PRKN: variants seen among roughly 807,000 people sequenced by gnomAD.
PRKN encodes the protein parkin RBR E3 ubiquitin protein ligase.
Under a neutral mutation model 59.5 loss-of-function variants are expected in PRKN, and 56 were observed. That is an observed-to-expected ratio of 0.94 (90% confidence interval 0.76 to 1.18). The LOEUF is 1.18. Ranked by LOEUF, PRKN falls within the 50% of genes most tolerant of loss-of-function variation. The probability of loss-of-function intolerance (pLI) is 0.00; values close to 1 mark genes in which losing one functional copy is unlikely to be tolerated. For synonymous variants in PRKN, 250 were observed against 222.1 expected, an observed-to-expected ratio of 1.13 and a Z score of -1.12; for missense variants, 657 against 596.4, an observed-to-expected ratio of 1.10 and a Z score of -1.06.
At position 161,416,502 on chromosome 6, in the gene PRKN, A is replaced by G. The variant is rs183376737; in HGVS notation, c.1084-29625T>C. Among the ~76,000 whole-genome samples the G allele has an allele frequency of 9.3e-4, 141 of 152,222 alleles. 1 individual carries two copies. The Middle Eastern group carries it at 0.01, about 11-fold the overall frequency. ...CATATATTTGCTAAACAACTCACCC[A>G]AAGTCACTCCAGTGATAGGCCCATC... On this transcript the variant is annotated intron_variant, in intron 9 of 11. Transcript: ENST00000366898.
In PRKN at chr6:161,644,945, G is replaced by A; in HGVS notation, c.872-75529C>T. 2.0e-5 allele frequency among the ~76,000 whole-genome samples: 3 copies of A among 152,198 alleles called. No homozygotes were observed. The South Asian group carries it at 6.2e-4, about 32-fold the overall frequency. Reference sequence around the variant, plus strand: ...TAATAAAACCAGACTGGAAGCAGAAGTAGGGGTAAGACCTAGAATCTGTCC... The same window carrying A: ...TAATAAAACCAGACTGGAAGCAGAAATAGGGGTAAGACCTAGAATCTGTCC... On this transcript the variant is annotated intron_variant, in intron 7 of 11. Transcript: ENST00000366898.
At chr6:161,606,354 A>G (rs548439618) in intron 7 of PRKN, among the ~76,000 whole-genome samples, 1 of 152,304 alleles carries the variant, frequency 6.6e-6, no homozygotes, top group Admixed American at 6.5e-5. Context: ...GACTACCTAG[A>G]TGTGGTAAAA....
chr6:161,551,028 C>G lies in PRKN; in HGVS notation c.934-2025G>C, dbSNP rs1341148988. Among the ~76,000 whole-genome samples, 1 of 151,996 alleles carries G rather than the reference C, an allele frequency of 6.6e-6. No individual in the cohort carries two copies. The highest frequency in any genetic ancestry group is 1.5e-5 in the Non-Finnish European group (1 of 68,010). On this transcript the variant is annotated intron_variant, in intron 8 of 11. Coordinates refer to ENST00000366898, the MANE Select transcript of PRKN (RefSeq NM_004562.3). This position sits in a 1 kb window ranked among gnomAD's most constrained non-coding sequence, Gnocchi z 5.2. ...ATGGCATACACATACAGCACCTTTACCAGAAAAGAGGTCTAAGAGTTCGGA... is the reference window on the plus strand; with the variant it reads ...ATGGCATACACATACAGCACCTTTAGCAGAAAAGAGGTCTAAGAGTTCGGA...
At chr6:161,967,409 C>T (rs1396198743) in intron 6 of PRKN, among the ~76,000 whole-genome samples, 4 of 152,154 alleles carry the variant, frequency 2.6e-5, no homozygotes, top group Non-Finnish European at 5.9e-5. Context: ...CTCCTGCAGT[C>T]CTTAGAACCA....
At chr6:162,500,872 A>G (rs1452832724) in intron 1 of PRKN, among the ~76,000 whole-genome samples, 1 of 152,192 alleles carries the variant, frequency 6.6e-6, no homozygotes, top group African/African-American at 2.4e-5. Flanking sequence ...CTTACATAAT[A>G]AAGATGTTTT....
At chr6:161,832,756 G>A (rs1489839923) in intron 6 of PRKN, among the ~76,000 whole-genome samples, 1 of 152,032 alleles carries the variant, frequency 6.6e-6, no homozygotes, top group Non-Finnish European at 1.5e-5. Context: ...TCCTGGAGCA[G>A]GGCATCTCAC....
intron 6 of PRKN, among the ~76,000 whole-genome samples, chr6:161,953,614 T>C (rs1248603804): frequency 1.3e-5 from 2 of 152,132 alleles, no homozygotes; most frequent in East Asian, 3.9e-4. Context: ...ACCTGCCGGA[T>C]GCCAGCCCTG....
At chr6:162,384,670 A>G (rs1226557336) in intron 2 of PRKN, among the ~76,000 whole-genome samples, 1 of 151,900 alleles carries the variant, frequency 6.6e-6, no homozygotes, top group Non-Finnish European at 1.5e-5. Flanking sequence ...AAACAAAAAA[A>G]AAAAACACTC....
chr6:162,339,253 C>CA (rs1784021866), intron 2 of PRKN, among the ~76,000 whole-genome samples: 1 of 145,950 alleles, frequency 6.9e-6, no homozygotes, highest in African/African-American at 2.5e-5. Context: ...TGGGGGTCAG[C>CA]CCCCCGCCCG....
intron 1 of PRKN, among the ~76,000 whole-genome samples, chr6:162,504,132 T>C (rs1793502654): frequency 6.6e-6 from 1 of 151,138 alleles, no homozygotes; most frequent in African/African-American, 2.4e-5. Flanking sequence ...ACTCCAGGGG[T>C]TGGAAAGGCA....
chr6:161,840,922 T>G (rs1016043303), intron 6 of PRKN, among the ~76,000 whole-genome samples: 2 of 151,566 alleles, frequency 1.3e-5, no homozygotes, highest in East Asian at 3.9e-4. Context: ...AAAAAACAGA[T>G]GCTGGTGAGA....
chr6:161,357,858 C>T lies in PRKN; in HGVS notation c.1285+2230G>A, dbSNP rs185648163. Among the ~76,000 whole-genome samples, 37 of 152,334 alleles carry T rather than the reference C, an allele frequency of 2.4e-4. No individual in the cohort carries two copies. Among genetic ancestry groups the T allele is most frequent in the Non-Finnish European group, 4.0e-4 (27 of 68,032 alleles). On this transcript the variant is annotated intron_variant, in intron 11 of 11. Transcript: ENST00000366898. This position sits in a 1 kb window ranked among gnomAD's most constrained non-coding sequence, Gnocchi z 5.5. ...TCACGGAGCGTGTTTGATGCACCGT[C>T]TCTGTTACTCCTCCTGCCCATGCTG...
intron 7 of PRKN, among the ~76,000 whole-genome samples, chr6:161,648,225 G>T (rs6933783): frequency 0.098 from 14,907 of 152,190 alleles, 824 homozygotes; most frequent in African/African-American, 0.14. Flanking sequence ...CACAGATATG[G>T]ATTGTACAGA....
intron 4 of PRKN, among the ~76,000 whole-genome samples, chr6:162,198,735 G>A: frequency 6.6e-6 from 1 of 151,572 alleles, no homozygotes; most frequent in East Asian, 2.0e-4. Context: ...CTACTGCTCT[G>A]CATCAAGAGG....
At chr6:161,741,572 C>T (rs868395633) in intron 7 of PRKN, among the ~76,000 whole-genome samples, 6 of 152,130 alleles carry the variant, frequency 3.9e-5, no homozygotes, top group Non-Finnish European at 7.3e-5. Flanking sequence ...CCTTCAGACA[C>T]GATCCCCACT....
intron 6 of PRKN, among the ~76,000 whole-genome samples, chr6:161,850,835 A>T (rs1793402591): frequency 6.6e-6 from 1 of 152,112 alleles, no homozygotes; most frequent in Non-Finnish European, 1.5e-5. Flanking sequence ...AGTAACAGTC[A>T]TACTAATGTG....
At position 161,350,971 on chromosome 6, in the gene PRKN, AT is replaced by A. The variant is rs1338074816; in HGVS notation, c.1286-761del. Among the ~76,000 whole-genome samples the A allele has an allele frequency of 1.4e-3, 66 of 46,674 alleles. 1 individual carries two copies. Among genetic ancestry groups the A allele is most frequent in the African/African-American group, 5.7e-3 (61 of 10,632 alleles). The allele number at this position is 46,674 out of a possible 152,430, so 30.6% of individuals were successfully genotyped here. A position where few individuals can be genotyped will look rare whatever the true frequency, so the allele number is the denominator to read the frequency against. On this transcript the variant is annotated intron_variant, in intron 11 of 11. Transcript: ENST00000366898. ...TTATATATTTATATTTAAAATATATATAAATATATTTTATATATTTATATTT... is the reference window on the plus strand; with the variant it reads ...TTATATATTTATATTTAAAATATATAAAATATATTTTATATATTTATATTT...
intron 2 of PRKN, among the ~76,000 whole-genome samples, chr6:162,399,777 G>C (rs565892099): frequency 5.7e-4 from 85 of 148,632 alleles, no homozygotes; most frequent in Non-Finnish European, 9.7e-4. Flanking sequence ...GAAACTTAAG[G>C]AACAACTGAA....
At position 162,316,613 on chromosome 6, in the gene PRKN, T is replaced by C. The variant is rs146958351; in HGVS notation, c.172-53848A>G. 1.1e-4 allele frequency among the ~76,000 whole-genome samples: 16 copies of C among 152,278 alleles called. No individual in the cohort carries two copies. The East Asian group carries it at 3.1e-3, about 29-fold the overall frequency. ...AGGATTCAATACATATTCACAGTTC[T>C]AGACTTATTGGCTCTAGAAATTGGG... On this transcript the variant is annotated intron_variant, in intron 2 of 11. Coordinates refer to ENST00000366898, the MANE Select transcript of PRKN (RefSeq NM_004562.3).
Sources: allele counts gnomAD v4.1 joint callset (sites outside exome capture counted in the v4.1 genomes callset), GRCh38; gene constraint gnomAD v4.1.1; non-coding constraint Gnocchi (gnomAD v3.1); transcripts MANE v1.5; gene names NCBI Gene and HGNC (gene_info 2026-07-23, HGNC 2026-07-21).